SLC35F4: variants seen among roughly 807,000 people sequenced by gnomAD.
SLC35F4 encodes the protein solute carrier family 35 member F4.
A neutral mutation model predicts 44.2 loss-of-function variants in SLC35F4; 24 were observed. The observed-to-expected ratio is 0.54, with a 90% CI of 0.39 to 0.76. The LOEUF (loss-of-function observed/expected upper bound fraction) is 0.76. Ranked by LOEUF, SLC35F4 falls within the 30% of genes least tolerant of loss-of-function variation. The probability of loss-of-function intolerance (pLI) is 0.00; values close to 1 mark genes in which losing one functional copy is unlikely to be tolerated. For missense variants in SLC35F4, 562 were observed against 586.1 expected, an observed-to-expected ratio of 0.96 and a Z score of 0.42; for synonymous variants, 238 against 223.6, an observed-to-expected ratio of 1.06 and a Z score of -0.57.
intron 1 of SLC35F4, among the ~76,000 whole-genome samples, chr14:57,659,562 G>A (rs569904113): frequency 4.6e-5 from 7 of 152,208 alleles, no homozygotes; most frequent in African/African-American, 1.7e-4. Flanking sequence ...TATAGATGAG[G>A]AAACCAAGGC....
intron 1 of SLC35F4, among the ~76,000 whole-genome samples, chr14:57,914,642 A>G (rs374867914): frequency 6.6e-6 from 1 of 152,252 alleles, no homozygotes; most frequent in East Asian, 1.9e-4. Flanking sequence ...TTCAGGAAGG[A>G]ATCTCTTTTT....
intron 1 of SLC35F4, among the ~76,000 whole-genome samples, chr14:57,932,543 G>A (rs1418515042): frequency 6.6e-6 from 1 of 152,146 alleles, no homozygotes; most frequent in Non-Finnish European, 1.5e-5. Flanking sequence ...AACTGGAGGG[G>A]TTCTGGGTGA....
intron 1 of SLC35F4, among the ~76,000 whole-genome samples, chr14:57,880,467 G>A (rs1888511437): frequency 1.3e-5 from 2 of 152,076 alleles, no homozygotes; most frequent in Non-Finnish European, 2.9e-5. Context: ...AGAGTTACCT[G>A]GCAGTGCTTT....
At chr14:57,826,666 G>GAA (rs78961046) in intron 1 of SLC35F4, among the ~76,000 whole-genome samples, 1 of 144,296 alleles carries the variant, frequency 6.9e-6, no homozygotes, top group Admixed American at 6.9e-5. Flanking sequence ...AAATTTAAAA[G>GAA]AAAAAAAAAA....
chr14:57,609,207 C>T (rs1206279813), intron 1 of SLC35F4, among the ~76,000 whole-genome samples: 1 of 152,058 alleles, frequency 6.6e-6, no homozygotes, highest in Non-Finnish European at 1.5e-5. Flanking sequence ...ATGGCAGATT[C>T]AGATAATTCA....
intron 1 of SLC35F4, among the ~76,000 whole-genome samples, chr14:57,668,662 A>G (rs1455422090): frequency 6.6e-6 from 1 of 151,972 alleles, no homozygotes; most frequent in Non-Finnish European, 1.5e-5. Context: ...ATTATTTCTG[A>G]GGGCTCTGTT....
chr14:57,931,767 C>G (rs753986100), intron 1 of SLC35F4, among the ~76,000 whole-genome samples: 4 of 152,176 alleles, frequency 2.6e-5, no homozygotes, highest in Non-Finnish European at 4.4e-5. Context: ...ACACCCAAAG[C>G]CCTGCTCTGT....
chr14:57,873,976 C>T (rs931885394), intron 1 of SLC35F4, among the ~76,000 whole-genome samples: 1 of 152,128 alleles, frequency 6.6e-6, no homozygotes, highest in Non-Finnish European at 1.5e-5. Context: ...ACAACAAGCA[C>T]ATAAAAAGTT....
intron 1 of SLC35F4, among the ~76,000 whole-genome samples, chr14:57,661,976 G>A (rs778336225): frequency 2.6e-5 from 4 of 152,148 alleles, no homozygotes; most frequent in Non-Finnish European, 5.9e-5. Flanking sequence ...ATTAGGGAAT[G>A]GTGAGACCTG....
chr14:57,956,049 G>C (rs1019369803), intron 1 of SLC35F4, among the ~76,000 whole-genome samples: 1 of 152,042 alleles, frequency 6.6e-6, no homozygotes, highest in Non-Finnish European at 1.5e-5. Context: ...TATACTATAA[G>C]GCTACAATAA....
chr14:57,818,076 C>T (rs1416947323), intron 1 of SLC35F4, among the ~76,000 whole-genome samples: 1 of 152,070 alleles, frequency 6.6e-6, no homozygotes, highest in Non-Finnish European at 1.5e-5. Flanking sequence ...ACTTCAACAT[C>T]AGTATATATA....
chr14:57,856,217 T>C (rs954366085), intron 1 of SLC35F4, among the ~76,000 whole-genome samples: 5 of 151,958 alleles, frequency 3.3e-5, no homozygotes, highest in Non-Finnish European at 5.9e-5. Flanking sequence ...AAATACCTAA[T>C]GTAGGTAATG....
chr14:57,576,762 A>G (rs1345092176), intron 4 of SLC35F4, among the ~76,000 whole-genome samples: 5 of 152,186 alleles, frequency 3.3e-5, no homozygotes, highest in African/African-American at 1.2e-4. Context: ...CCCTACATGC[A>G]TGGATTTTTA....
At chr14:57,884,573 G>C (rs1888608120) in intron 1 of SLC35F4, among the ~76,000 whole-genome samples, 1 of 152,068 alleles carries the variant, frequency 6.6e-6, no homozygotes, top group Non-Finnish European at 1.5e-5. Context: ...TTTTTTCAAA[G>C]CTTCTAATGT....
Position 57,856,085 on chromosome 14 carries a change from T to C in SLC35F4, c.103+9638A>G, listed in dbSNP as rs540681319. Reference sequence around the variant, plus strand: ...GCAATGGCATGGTCTTGGCTCACTGTAACCTCCGCCTCCCAGGTTCAAGTG... The same window carrying C: ...GCAATGGCATGGTCTTGGCTCACTGCAACCTCCGCCTCCCAGGTTCAAGTG... On this transcript the variant is annotated intron_variant, in intron 1 of 7. Transcript: ENST00000556826. 1.8e-4 allele frequency among the ~76,000 whole-genome samples: 28 copies of C among 151,944 alleles called. No individual in the cohort carries two copies. The Middle Eastern group carries it at 0.014, about 74-fold the overall frequency.
chr14:57,861,901 A>G (rs959186589), intron 1 of SLC35F4, among the ~76,000 whole-genome samples: 1 of 152,094 alleles, frequency 6.6e-6, no homozygotes. Context: ...CTCTATATGC[A>G]TTCATTCCTT....
intron 1 of SLC35F4, among the ~76,000 whole-genome samples, chr14:57,925,044 C>T (rs1044699889): frequency 3.9e-5 from 6 of 152,102 alleles, no homozygotes; most frequent in African/African-American, 4.8e-5. Context: ...GCACAGCCAT[C>T]ATGCCTGGCC....
chr14:57,913,448 G>T (rs145506498), intron 1 of SLC35F4, among the ~76,000 whole-genome samples: 71 of 151,094 alleles, frequency 4.7e-4, no homozygotes, highest in African/African-American at 1.6e-3. Flanking sequence ...TTTTTTCAAC[G>T]TTTTTTAGTG....
At chr14:57,862,499 G>A (rs1887765545) in intron 1 of SLC35F4, among the ~76,000 whole-genome samples, 1 of 152,108 alleles carries the variant, frequency 6.6e-6, no homozygotes, top group South Asian at 2.1e-4. Flanking sequence ...TGCACTCCTG[G>A]ATCCTCAGTG....
Sources: gnomAD v4.1 joint callset for allele counts (sites outside exome capture counted in the v4.1 genomes callset) on GRCh38, gnomAD v4.1.1 for gene constraint, MANE v1.5 for transcripts, NCBI Gene and HGNC (gene_info 2026-07-23, HGNC 2026-07-21) for gene names.